Variants in PSEN1 observed in about 807,000 individuals in gnomAD.
PSEN1 encodes the protein presenilin 1.
PSEN1 carries 15 observed loss-of-function variants against 53.5 expected under a neutral mutation model. That is an observed-to-expected ratio of 0.28 (90% CI 0.19 to 0.43). The LOEUF is 0.43. PSEN1 is among the 20% of genes least tolerant of loss of function. PSEN1 has a pLI of 1.00. For synonymous variants in PSEN1, 208 were observed against 209.8 expected (o/e 0.99, Z 0.08); for missense variants, 387 against 571.2 (o/e 0.68, Z 3.29).
intron 1 of PSEN1, among the ~76,000 whole-genome samples, chr14:73,144,825 G>T (rs1897025448): frequency 1.3e-5 from 2 of 152,076 alleles, no homozygotes; most frequent in Non-Finnish European, 2.9e-5. Flanking sequence ...CTTGTTTAGT[G>T]CGTGGTAATC....
intron 8 of PSEN1, among the ~76,000 whole-genome samples, chr14:73,204,547 C>T (rs1025144614): frequency 6.9e-6 from 1 of 144,310 alleles, no homozygotes; most frequent in African/African-American, 2.6e-5. Context: ...AAAAAAAGAA[C>T]AAGGAAGAAT....
chr14:73,216,193 T>G (rs564729161), intron 10 of PSEN1, among the ~76,000 whole-genome samples: 1 of 152,282 alleles, frequency 6.6e-6, no homozygotes, highest in African/African-American at 2.4e-5. Context: ...GCGAGGCATG[T>G]ATTGTATGAG....
chr14:73,157,674 C>T lies in PSEN1; in HGVS notation c.87+9568C>T, dbSNP rs540119262. 1.4e-3 allele frequency among the ~76,000 whole-genome samples: 219 copies of T among 152,100 alleles called. 1 individual carries two copies. Among genetic ancestry groups the T allele is most frequent in the Middle Eastern group, 3.4e-3 (1 of 294 alleles). ...CAGGCAACCATGTTTTGTCACCGCGCGCAGCCATTTACTATTATGATACTA... is the reference window on the plus strand; with the variant it reads ...CAGGCAACCATGTTTTGTCACCGCGTGCAGCCATTTACTATTATGATACTA... On this transcript the variant is annotated intron_variant, in intron 3 of 11. Coordinates refer to ENST00000324501, the MANE Select transcript of PSEN1 (RefSeq NM_000021.4).
At chr14:73,217,538 C>G (rs572503215) in intron 11 of PSEN1, among the ~76,000 whole-genome samples, 3 of 152,170 alleles carry the variant, frequency 2.0e-5, no homozygotes, top group Non-Finnish European at 4.4e-5. Flanking sequence ...GAACCGCTGC[C>G]TCAAGCCTAG....
chr14:73,171,441 AAAG>A (rs1346325258), intron 4 of PSEN1, among the ~76,000 whole-genome samples: 5 of 152,204 alleles, frequency 3.3e-5, no homozygotes, highest in Non-Finnish European at 4.4e-5. Context: ...TGGTGCCGCA[AAAG>A]AAGTAGCACT....
rs1285422924 is a variant in PSEN1 at position 73,183,948 on chromosome 14, C to T, written c.481-2905C>T. On this transcript the variant is annotated intron_variant, in intron 5 of 11. Transcript: ENST00000324501. ...GGGGCTGACCCCCCCACCTCCCTCC[C>T]GGACGGGGCGGCTGGCCGGGCAGAG... 1.0e-4 allele frequency among the ~76,000 whole-genome samples: 14 copies of T among 140,558 alleles called. 1 individual carries two copies. The highest frequency in any genetic ancestry group is 1.4e-4 in the Non-Finnish European group (9 of 65,330). 92.2% of individuals were successfully genotyped at this position (140,558 alleles called of 152,430 possible). A position where few individuals can be genotyped will look rare whatever the true frequency, so the allele number is the denominator to read the frequency against.
intron 10 of PSEN1, 45 bp downstream of exon 10, chr14:73,211,987 T>C (rs778783858): frequency 1.9e-6 from 3 of 1,571,670 alleles, no homozygotes; most frequent in Non-Finnish European, 2.6e-6. Flanking sequence ...TTCCTTTAGG[T>C]AGCTACATTA....
At chr14:73,147,607 C>G in intron 1 of PSEN1, 188 bp from the exon 2 acceptor site, 1 of 229,196 alleles carries the variant, frequency 4.4e-6, no homozygotes, top group East Asian at 1.1e-4. Flanking sequence ...TGTTTGGTGT[C>G]TCAGGCGGTT....
At chr14:73,202,376 CAGAA>C (rs1246694785) in intron 8 of PSEN1, among the ~76,000 whole-genome samples, 9 of 125,594 alleles carry the variant, frequency 7.2e-5, no homozygotes, top group Non-Finnish European at 1.3e-4. Context: ...ATTTAATACT[CAGAA>C]AGAAGCATTT....
chr14:73,200,607 T>C (rs1273974042), intron 8 of PSEN1, among the ~76,000 whole-genome samples: 3 of 152,336 alleles, frequency 2.0e-5, no homozygotes, highest in Non-Finnish European at 4.4e-5. Context: ...TGAAAAAGGA[T>C]AAACATTACA....
chr14:73,184,583 T>A (rs1371226566), intron 5 of PSEN1, among the ~76,000 whole-genome samples: 2 of 89,398 alleles, frequency 2.2e-5, no homozygotes, highest in African/African-American at 4.3e-5. Context: ...CACTTCCCAG[T>A]AGGGGCGGCC....
chr14:73,137,532 A>T (rs1896779732), intron 1 of PSEN1, among the ~76,000 whole-genome samples: 1 of 152,174 alleles, frequency 6.6e-6, no homozygotes, highest in African/African-American at 2.4e-5. Context: ...ATGTTGGAGC[A>T]GTGGAGAAGT....
At position 73,223,138 on chromosome 14, in the gene PSEN1, A is replaced by ACATCTGCATGTGAT. The variant is rs1882672488; in HGVS notation, c.*3859_*3872dup. On this transcript the variant is annotated 3_prime_UTR_variant, in exon 12 of 12. Coordinates refer to ENST00000324501, the MANE Select transcript of PSEN1 (RefSeq NM_000021.4). ...CTGTCATCGGGCTCACAGCTCAGAG[A>ACATCTGCATGTGAT]CATCTGCATGTGATCATCTGCATAG... 1 of 152,258 alleles carries ACATCTGCATGTGAT rather than the reference A, an allele frequency of 6.6e-6. No individual in the cohort carries two copies. The highest frequency in any genetic ancestry group is 2.4e-5 in the African/African-American group (1 of 41,466). The allele number at this position is 152,258 out of a possible 1,614,324, so 9.4% of individuals were successfully genotyped here. A position where few individuals can be genotyped will look rare whatever the true frequency, so the allele number is the denominator to read the frequency against.
chr14:73,148,412 G>A (rs191965727), intron 3 of PSEN1, among the ~76,000 whole-genome samples: 105 of 152,104 alleles, frequency 6.9e-4, no homozygotes, highest in Non-Finnish European at 1.1e-3. Flanking sequence ...ATTCTTCTAC[G>A]GCTGAGTCCA....
chr14:73,215,481 G>T (rs1408426275), intron 10 of PSEN1, among the ~76,000 whole-genome samples: 2 of 151,750 alleles, frequency 1.3e-5, no homozygotes, highest in Non-Finnish European at 2.9e-5. Context: ...TATTCGAGAG[G>T]CTGCGGCAGG....
intron 6 of PSEN1, among the ~76,000 whole-genome samples, chr14:73,190,505 AT>A (rs1454814450): frequency 1.3e-5 from 2 of 149,464 alleles, no homozygotes; most frequent in South Asian, 2.1e-4. Context: ...AAAAAAAAAA[AT>A]TAAAATATGC....
chr14:73,164,687 TA>T (rs1897654337), intron 3 of PSEN1, among the ~76,000 whole-genome samples: 1 of 152,192 alleles, frequency 6.6e-6, no homozygotes, highest in Admixed American at 6.5e-5. Flanking sequence ...TAATTACCAC[TA>T]TATAATACAG....
chr14:73,156,497 A>G (rs1478427367), intron 3 of PSEN1, among the ~76,000 whole-genome samples: 1 of 152,142 alleles, frequency 6.6e-6, no homozygotes, highest in Non-Finnish European at 1.5e-5. Flanking sequence ...GAAATGATAT[A>G]TCTAAGATTT....
intron 4 of PSEN1, among the ~76,000 whole-genome samples, chr14:73,171,856 T>C (rs1897900088): frequency 1.3e-5 from 2 of 152,232 alleles, no homozygotes; most frequent in Admixed American, 1.3e-4. Flanking sequence ...CATCTAACAT[T>C]GGCTTAAATG....
Sources: gnomAD v4.1 joint callset for allele counts (sites outside exome capture counted in the v4.1 genomes callset) on GRCh38, gnomAD v4.1.1 for gene constraint, MANE v1.5 for transcripts, NCBI Gene and HGNC (gene_info 2026-07-23, HGNC 2026-07-21) for gene names.